The following USP36 variants were observed in gnomAD, a reference collection of about 807,000 sequenced individuals.
USP36 encodes the protein ubiquitin carboxyl-terminal hydrolase 36.
In USP36, 59 loss-of-function variants were observed where a neutral mutation model predicts 111.5. The observed-to-expected ratio is 0.53, with a 90% CI of 0.43 to 0.66. The LOEUF is 0.66. Among genes scored for constraint, USP36 ranks in the 30% least tolerant of loss-of-function variants. The probability of loss-of-function intolerance (pLI) is 0.00; values close to 1 mark genes in which losing one functional copy is unlikely to be tolerated. For synonymous variants in USP36, 628 were observed against 581.0 expected (o/e 1.08, Z -1.16); for missense variants, 1,488 against 1,468.0 (o/e 1.01, Z -0.22).
At position 78,807,140 on chromosome 17, in the gene USP36, G is replaced by A. The variant is rs376513018; in HGVS notation, c.1904C>T (p.Ala635Val). The change falls in exon 14 of 21, where the codon GCC (alanine) becomes GTC (valine). Residue 635 changes from alanine (A) to valine (V), a missense_variant. Physicochemically the swap from Ala to Val is moderately conservative, Grantham distance 64. This residue lies in a region of USP36 where 1,073 missense variants were observed against 994.1 expected (regional missense o/e 1.08). Transcript: ENST00000449938. ...KAPQTPRSGA[A>V]HLCDSQETNC... ...CGTTTCCTGAGAATCGCAGAGATGG[G>A]CCGCTCCACTCCTGGGGGTCTGGGG... is the stretch of plus-strand genomic sequence containing the variant. 5.8e-5 allele frequency: 94 copies of A among 1,614,238 alleles called. No homozygotes were observed. Among genetic ancestry groups the A allele is most frequent in the South Asian group, 7.7e-5 (7 of 91,090 alleles).
intron 5 of USP36, among the ~76,000 whole-genome samples, chr17:78,828,198 AGCAAAACCCTGTCTCAAACAAAAAGAAT>A (rs2067751372): frequency 6.6e-6 from 1 of 152,210 alleles, no homozygotes; most frequent in South Asian, 2.1e-4. Context: ...TAGGTATAAG[AGCAAAACCCTGTCTCAAACAAAAAGAAT>A]GTAAAATCCA....
intron 1 of USP36, among the ~76,000 whole-genome samples, chr17:78,839,214 A>G (rs964111273): frequency 8.5e-5 from 13 of 152,210 alleles, no homozygotes; most frequent in African/African-American, 3.1e-4. Flanking sequence ...AAGGTTCGTA[A>G]AAACAGTTTA....
At chr17:78,832,139 G>A (rs2068191413) in intron 4 of USP36, among the ~76,000 whole-genome samples, 2 of 152,128 alleles carry the variant, frequency 1.3e-5, no homozygotes, top group African/African-American at 4.8e-5. Context: ...GAGAGATTTG[G>A]GAAACAAAAG....
At chr17:78,806,935 G>A (rs1175656426) in intron 14 of USP36, 24 bp downstream of exon 14, 4 of 1,609,870 alleles carry the variant, frequency 2.5e-6, no homozygotes, top group Admixed American at 1.7e-5. Context: ...ATACACAGCA[G>A]CGGCGAGACC....
At chr17:78,806,077 T>C in intron 15 of USP36, 79 bp downstream of exon 15, 1 of 1,603,128 alleles carries the variant, frequency 6.2e-7, no homozygotes, top group Non-Finnish European at 8.5e-7. Flanking sequence ...TGGCGATTCG[T>C]CCAACTCCTC....
chr17:78,831,969 T>TTCAGCC (rs1217286462), intron 4 of USP36, among the ~76,000 whole-genome samples: 1 of 150,910 alleles, frequency 6.6e-6, no homozygotes, highest in Non-Finnish European at 1.5e-5. Flanking sequence ...AAAAGCTTCT[T>TTCAGCC]TCAGCCTAAT....
downstream of USP36, among the ~76,000 whole-genome samples, chr17:78,791,098 G>C (rs1035775577): frequency 3.3e-5 from 5 of 149,486 alleles, no homozygotes; most frequent in African/African-American, 1.2e-4. Flanking sequence ...AGACCCCTTA[G>C]AACACAGGTC....
chr17:78,827,386 T>C, intron 5 of USP36, 39 bp from the exon 6 acceptor site: 1 of 1,577,212 alleles, frequency 6.3e-7, no homozygotes, highest in Non-Finnish European at 8.6e-7. Context: ...AGCTCGTGTC[T>C]TCTCATCAAA....
rs189197588 is a variant in USP36, at chr17:78,807,674, G to A, written c.1408-38C>T. The A allele has an allele frequency of 3.3e-5, 50 of 1,506,224 alleles. No homozygotes were observed. The Admixed American group carries it at 6.1e-4, about 18-fold the overall frequency. The allele number at this position is 1,506,224 out of a possible 1,614,324, so 93.3% of individuals were successfully genotyped here. A position where few individuals can be genotyped will look rare whatever the true frequency, so the allele number is the denominator to read the frequency against. The stretch of plus-strand genomic sequence containing the variant: ...AAGCAGAAAACACAACTGAGGAAGC[G>A]AGAAGTCTCAGCTGGGCCACATCTT... On this transcript the variant is annotated intron_variant, in intron 13 of 20. Transcript: ENST00000449938.
At chr17:78,812,327 G>A (rs1599021294) in intron 13 of USP36, among the ~76,000 whole-genome samples, 1 of 152,180 alleles carries the variant, frequency 6.6e-6, no homozygotes, top group Non-Finnish European at 1.5e-5. Context: ...ATTCTAATTT[G>A]TTGGGTCAGA....
rs145657048 is a variant in USP36, at chr17:78,789,493, T to C, written c.*21-1835A>G. Among the ~76,000 whole-genome samples, 338 of 152,288 alleles carry C rather than the reference T, an allele frequency of 2.2e-3. 1 individual carries two copies. Among genetic ancestry groups the C allele is most frequent in the Non-Finnish European group, 4.1e-3 (277 of 68,022 alleles). On this transcript the variant is annotated intron_variant, in intron 3 of 3. Coordinates refer to the USP36 transcript ENST00000588130. The stretch of plus-strand genomic sequence containing the variant: ...TCCTGGACTTGCTAATTTTGCAGCA[T>C]AGACCTTGCAGAGAGGGTGGAGCCT...
intron 13 of USP36, among the ~76,000 whole-genome samples, chr17:78,807,992 T>C (rs1231568556): frequency 6.6e-6 from 1 of 152,160 alleles, no homozygotes; most frequent in Non-Finnish European, 1.5e-5. Context: ...GTGTGAGCCA[T>C]AGCACCTGGC....
chr17:78,812,028 A>G (rs2094072065), intron 13 of USP36, among the ~76,000 whole-genome samples: 1 of 152,148 alleles, frequency 6.6e-6, no homozygotes, highest in African/African-American at 2.4e-5. Context: ...GTCTCTACAC[A>G]AAATTTAAAA....
intron 13 of USP36, 55 bp from the exon 14 acceptor site, chr17:78,807,691 C>T (rs1204389192): frequency 1.3e-6 from 2 of 1,483,726 alleles, no homozygotes; most frequent in African/African-American, 1.4e-5. Flanking sequence ...CTCAGCTGGG[C>T]CACATCTTCT....
At chr17:78,833,538 T>C (rs2068354268) in intron 4 of USP36, among the ~76,000 whole-genome samples, 1 of 152,134 alleles carries the variant, frequency 6.6e-6, no homozygotes, top group Non-Finnish European at 1.5e-5. Context: ...CACGCAACTC[T>C]GTAAGGAAGA....
chr17:78,790,436 GT>G lies in USP36; in HGVS notation c.*21-2779del, dbSNP rs1567896742. ...CTCCCGAGTAGCTGGGACTACAGGCGTGTGCCACGAGGCCCGGCTAATTTTT... is the reference window on the plus strand; with the variant it reads ...CTCCCGAGTAGCTGGGACTACAGGCGGTGCCACGAGGCCCGGCTAATTTTT... On this transcript the variant is annotated intron_variant, in intron 3 of 3. Coordinates refer to the USP36 transcript ENST00000588130. 3.9e-5 allele frequency among the ~76,000 whole-genome samples: 6 copies of G among 152,160 alleles called. No individual in the cohort carries two copies. The South Asian group carries it at 1.2e-3, about 32-fold the overall frequency.
chr17:78,818,210 A>ATGCAAGTCCCACCGCCCAG (rs1040448707), intron 10 of USP36, among the ~76,000 whole-genome samples: 1 of 152,214 alleles, frequency 6.6e-6, no homozygotes, highest in African/African-American at 2.4e-5. Context: ...GACATGGACA[A>ATGCAAGTCCCACCGCCCAG]TGCAAGTCCC....
intron 4 of USP36, among the ~76,000 whole-genome samples, chr17:78,829,888 G>A (rs911808260): frequency 1.3e-5 from 2 of 152,016 alleles, no homozygotes; most frequent in African/African-American, 4.8e-5. Flanking sequence ...CTACAGGCTC[G>A]TGCCACCATG....
At chr17:78,819,432 T>TA (rs1450494633) in intron 9 of USP36, among the ~76,000 whole-genome samples, 1 of 152,088 alleles carries the variant, frequency 6.6e-6, no homozygotes, top group African/African-American at 2.4e-5. Context: ...AATGACAAAG[T>TA]AAGAGTTCTA....
Sources: gnomAD v4.1 joint callset for allele counts (sites outside exome capture counted in the v4.1 genomes callset) on GRCh38, gnomAD v4.1.1 for gene constraint, gnomAD v4.1.1 regional missense constraint, MANE v1.5 for transcripts, NCBI Gene and HGNC (gene_info 2026-07-23, HGNC 2026-07-21) for gene names.